The following DPP6 variants were observed in gnomAD, a reference collection of about 807,000 sequenced individuals.
DPP6 encodes the protein A-type potassium channel modulatory protein DPP6.
A neutral mutation model predicts 122.6 loss-of-function variants in DPP6; 69 were observed. That is an observed-to-expected ratio of 0.56 (90% CI 0.46 to 0.69). The LOEUF (loss-of-function observed/expected upper bound fraction) is 0.69, where lower values mean the gene tolerates loss of function less well. DPP6 is among the 30% of genes least tolerant of loss of function. The pLI is 0.00. For missense variants in DPP6, 928 were observed against 1,116.9 expected (o/e 0.83, Z 2.41); for synonymous variants, 418 against 433.1 (o/e 0.97, Z 0.43).
intron 5 of DPP6, among the ~76,000 whole-genome samples, chr7:154,578,946 A>G (rs1831863884): frequency 6.6e-6 from 1 of 152,188 alleles, no homozygotes; most frequent in African/African-American, 2.4e-5. Flanking sequence ...AAGGAGCGTA[A>G]CAGTGGCTAG....
chr7:154,368,693 C>T (rs1026927990), intron 1 of DPP6, among the ~76,000 whole-genome samples: 9 of 152,174 alleles, frequency 5.9e-5, no homozygotes, highest in Admixed American at 3.3e-4. Flanking sequence ...AGCATTCCTA[C>T]GCATGATGTT....
At chr7:154,202,054 AC>A (rs781442907) in intron 1 of DPP6, among the ~76,000 whole-genome samples, 1 of 152,210 alleles carries the variant, frequency 6.6e-6, no homozygotes, top group African/African-American at 2.4e-5. Context: ...TGGAGCTACG[AC>A]TAGTTTTCTT....
chr7:153,873,379 A>G, the DPP6 span, among the ~76,000 whole-genome samples: 29 of 152,336 alleles, frequency 1.9e-4, no homozygotes, highest in African/African-American at 6.0e-4. Flanking sequence ...GCATTTAAAC[A>G]ATATATTTAA....
intron 5 of DPP6, among the ~76,000 whole-genome samples, chr7:154,591,592 G>C (rs143505789): frequency 6.6e-6 from 1 of 152,152 alleles, no homozygotes; most frequent in Admixed American, 6.5e-5. Flanking sequence ...AACAGGGGGC[G>C]TGCAGTTCCT....
chr7:153,846,298 A>G, the DPP6 span, among the ~76,000 whole-genome samples: 1 of 152,038 alleles, frequency 6.6e-6, no homozygotes, highest in Non-Finnish European at 1.5e-5. Flanking sequence ...GTTCTTTACC[A>G]TTTCCTTATT....
At chr7:154,621,422 G>A (rs1370787418) in intron 5 of DPP6, among the ~76,000 whole-genome samples, 1 of 152,128 alleles carries the variant, frequency 6.6e-6, no homozygotes, top group African/African-American at 2.4e-5. Flanking sequence ...AGGCTAGAGG[G>A]CAGTGGTGCA....
intron 1 of DPP6, among the ~76,000 whole-genome samples, chr7:154,230,446 A>T (rs909748238): frequency 6.6e-6 from 1 of 152,188 alleles, no homozygotes; most frequent in African/African-American, 2.4e-5. Context: ...GGACTGATGC[A>T]GCTTCATTTC....
intron 1 of DPP6, among the ~76,000 whole-genome samples, chr7:154,310,177 A>G (rs1406879035): frequency 6.6e-6 from 1 of 152,188 alleles, no homozygotes; most frequent in East Asian, 1.9e-4. Flanking sequence ...TGGGTCCTTG[A>G]GCTGATGGGG....
At chr7:154,881,030 CGTCTGTG>C in intron 21 of DPP6, 88 bp downstream of exon 21, 4 of 1,469,984 alleles carry the variant, frequency 2.7e-6, no homozygotes, top group Non-Finnish European at 3.6e-6. Context: ...TTATTGAGAA[CGTCTGTG>C]GTCTGCTGGT....
chr7:154,214,108 A>C (rs142020188), intron 1 of DPP6, among the ~76,000 whole-genome samples: 1,986 of 152,310 alleles, frequency 0.013, 49 homozygotes, highest in African/African-American at 0.045. Flanking sequence ...ATAACCACTA[A>C]TGAGGAGCAA....
At chr7:154,542,811 T>G (rs1828839755) in intron 4 of DPP6, among the ~76,000 whole-genome samples, 2 of 152,230 alleles carry the variant, frequency 1.3e-5, no homozygotes, top group Non-Finnish European at 2.9e-5. Context: ...AAATGTCATT[T>G]AGAGGTCTGC....
chr7:154,117,870 G>A (rs1807111969), intron 1 of DPP6, among the ~76,000 whole-genome samples: 1 of 152,174 alleles, frequency 6.6e-6, no homozygotes, highest in Non-Finnish European at 1.5e-5. Context: ...TTCTGATGTA[G>A]AGAGGGATTT....
intron 1 of DPP6, among the ~76,000 whole-genome samples, chr7:154,354,433 T>A (rs975641309): frequency 3.3e-5 from 5 of 152,234 alleles, no homozygotes; most frequent in Admixed American, 2.6e-4. Context: ...CTCCTCATCC[T>A]GAGCCTAAGC....
intron 1 of DPP6, among the ~76,000 whole-genome samples, chr7:154,422,253 T>C (rs1194126100): frequency 1.3e-5 from 2 of 152,136 alleles, no homozygotes; most frequent in Non-Finnish European, 2.9e-5. Flanking sequence ...GAGGCTGGTC[T>C]GCAGAGGTCA....
chr7:154,359,173 G>A (rs1811516304), intron 1 of DPP6, among the ~76,000 whole-genome samples: 1 of 152,208 alleles, frequency 6.6e-6, no homozygotes, highest in African/African-American at 2.4e-5. Flanking sequence ...GGGAGTCCTT[G>A]GTGCACTCTG....
intron 1 of DPP6, among the ~76,000 whole-genome samples, chr7:154,261,263 C>T (rs1802998681): frequency 6.6e-6 from 1 of 152,144 alleles, no homozygotes; most frequent in Non-Finnish European, 1.5e-5. Flanking sequence ...ACATTTTCAC[C>T]AGCAGTGTAG....
At chr7:154,869,245 C>G (rs985875205) in intron 18 of DPP6, among the ~76,000 whole-genome samples, 5 of 152,156 alleles carry the variant, frequency 3.3e-5, no homozygotes, top group Non-Finnish European at 7.4e-5. Flanking sequence ...CTAGGGTATT[C>G]GCTGGCAGCC....
At chr7:154,578,551 G>A (rs1487538973) in intron 5 of DPP6, among the ~76,000 whole-genome samples, 1 of 151,942 alleles carries the variant, frequency 6.6e-6, no homozygotes, top group Non-Finnish European at 1.5e-5. Flanking sequence ...TGAGGCATCA[G>A]CTGTGACTGT....
chr7:153,836,848 A>C, the DPP6 span, among the ~76,000 whole-genome samples: 1 of 152,162 alleles, frequency 6.6e-6, no homozygotes. Context: ...TATTAGACTC[A>C]CTCTGACTTC....
Sources: allele counts gnomAD v4.1 joint callset (sites outside exome capture counted in the v4.1 genomes callset), GRCh38; gene constraint gnomAD v4.1.1; transcripts MANE v1.5; gene names NCBI Gene and HGNC (gene_info 2026-07-23, HGNC 2026-07-21).